The following SNX24 variants were observed in gnomAD, a reference collection of about 807,000 sequenced individuals.
SNX24 encodes sorting nexin 24.
Under a neutral mutation model 28.7 loss-of-function variants are expected in SNX24, and 22 were observed. The observed-to-expected ratio is 0.77, with a 90% CI of 0.55 to 1.10. The LOEUF is 1.10. Ranked by LOEUF, SNX24 falls within the 50% of genes least tolerant of loss-of-function variation. The pLI is 0.00. For synonymous variants in SNX24, 69 were observed against 71.5 expected (o/e 0.96, Z 0.18); for missense variants, 221 against 201.1 (o/e 1.10, Z -0.60).
chr5:122,979,335 G>C (rs1761297350), intron 3 of SNX24, among the ~76,000 whole-genome samples: 1 of 152,178 alleles, frequency 6.6e-6, no homozygotes, highest in Non-Finnish European at 1.5e-5. Flanking sequence ...CTGTTCTGCG[G>C]CCCGAAGCAG....
intron 6 of SNX24, among the ~76,000 whole-genome samples, chr5:123,003,862 G>A (rs1179587028): frequency 1.3e-5 from 2 of 152,206 alleles, no homozygotes; most frequent in Non-Finnish European, 2.9e-5. Flanking sequence ...TCACAGGTTT[G>A]ATGGATGGGA....
At chr5:122,873,052 G>A (rs999579481) in intron 1 of SNX24, among the ~76,000 whole-genome samples, 4 of 152,120 alleles carry the variant, frequency 2.6e-5, no homozygotes, top group South Asian at 4.2e-4. Context: ...CTGCAACCTC[G>A]ACCTTCCAGG....
At chr5:122,898,071 A>G (rs1168330943) in intron 1 of SNX24, among the ~76,000 whole-genome samples, 2 of 152,144 alleles carry the variant, frequency 1.3e-5, no homozygotes, top group Non-Finnish European at 2.9e-5. Context: ...GTGTGCATGT[A>G]TGTGTGTCGG....
chr5:122,971,819 T>A (rs1307641581), intron 3 of SNX24, among the ~76,000 whole-genome samples: 1 of 152,194 alleles, frequency 6.6e-6, no homozygotes, highest in African/African-American at 2.4e-5. Context: ...ACTACCTTCT[T>A]CTACTGTCTA....
chr5:122,852,399 G>A (rs1754964256), intron 1 of SNX24, among the ~76,000 whole-genome samples: 1 of 151,590 alleles, frequency 6.6e-6, no homozygotes, highest in Non-Finnish European at 1.5e-5. Flanking sequence ...GCTGAGTTCA[G>A]TGGTACAATC....
At chr5:123,019,727 CCT>C (rs1257880917) in intron 5 of SNX24, among the ~76,000 whole-genome samples, 9 of 152,112 alleles carry the variant, frequency 5.9e-5, no homozygotes, top group Non-Finnish European at 1.0e-4. Context: ...TGTAAATTTC[CCT>C]CTGATTCCAC....
At chr5:122,954,343 T>C (rs916595106) in intron 3 of SNX24, among the ~76,000 whole-genome samples, 1 of 152,090 alleles carries the variant, frequency 6.6e-6, no homozygotes, top group Non-Finnish European at 1.5e-5. Context: ...TGTTTAAATG[T>C]CTTGTATTTT....
intron 1 of SNX24, among the ~76,000 whole-genome samples, chr5:122,866,147 GTTTA>G (rs1755709496): frequency 1.3e-5 from 2 of 152,282 alleles, no homozygotes; most frequent in Admixed American, 1.3e-4. Context: ...AGCTGGCATT[GTTTA>G]TTTATGAATG....
chr5:122,974,908 A>T (rs1013145580), intron 3 of SNX24, among the ~76,000 whole-genome samples: 1 of 152,180 alleles, frequency 6.6e-6, no homozygotes, highest in Middle Eastern at 3.2e-3. Flanking sequence ...GCTGCTAATC[A>T]TGTCTATACC....
intron 1 of SNX24, chr5:122,853,664 T>C (rs527665035): frequency 5.0e-5 from 19 of 376,924 alleles, no homozygotes; most frequent in South Asian, 3.8e-4. Context: ...AAAAAATTTT[T>C]TTCGTACAGG....
chr5:122,927,327 A>T (rs1356762236), intron 1 of SNX24, among the ~76,000 whole-genome samples: 1 of 152,230 alleles, frequency 6.6e-6, no homozygotes, highest in Non-Finnish European at 1.5e-5. Flanking sequence ...TGCAAATCTT[A>T]TGGGTTAAAT....
intron 3 of SNX24, among the ~76,000 whole-genome samples, chr5:122,997,337 C>T (rs1382874952): frequency 2.0e-5 from 3 of 152,146 alleles, no homozygotes; most frequent in East Asian, 1.9e-4. Context: ...TGAGAATATT[C>T]GGTGAAAATT....
At chr5:122,851,260 G>A (rs953013277) in intron 1 of SNX24, among the ~76,000 whole-genome samples, 1 of 152,090 alleles carries the variant, frequency 6.6e-6, no homozygotes, top group Admixed American at 6.5e-5. Context: ...TGCCTCCTGG[G>A]TTCAAGCTGT....
chr5:122,851,115 A>T (rs10055362), intron 1 of SNX24, among the ~76,000 whole-genome samples: 4 of 152,130 alleles, frequency 2.6e-5, no homozygotes, highest in Non-Finnish European at 5.9e-5. Flanking sequence ...TAGAATTACT[A>T]CTTAGGTCAC....
At chr5:122,995,051 A>T (rs1762004049) in intron 3 of SNX24, among the ~76,000 whole-genome samples, 1 of 152,202 alleles carries the variant, frequency 6.6e-6, no homozygotes, top group Admixed American at 6.5e-5. Context: ...GACAGATTGG[A>T]TGGAAATTTC....
chr5:122,987,830 C>T (rs1290795230), intron 3 of SNX24, among the ~76,000 whole-genome samples: 1 of 152,036 alleles, frequency 6.6e-6, no homozygotes, highest in Admixed American at 6.6e-5. Context: ...TTTTTGAGAT[C>T]TGAATAAATG....
intron 3 of SNX24, among the ~76,000 whole-genome samples, chr5:122,947,465 A>G (rs920932110): frequency 6.6e-6 from 1 of 152,316 alleles, no homozygotes; most frequent in Non-Finnish European, 1.5e-5. Context: ...GAAAGCTGAC[A>G]TGCAGAAGGC....
intron 1 of SNX24, 93 bp downstream of exon 1, chr5:122,845,786 A>AG (rs1754594513): frequency 1.5e-6 from 1 of 687,080 alleles, no homozygotes; most frequent in Non-Finnish European, 2.1e-6. Context: ...GCCTTGGCGC[A>AG]GGGGGTCCCC....
At chr5:123,025,051 G>A (rs1396552716) in intron 5 of SNX24, among the ~76,000 whole-genome samples, 1 of 152,224 alleles carries the variant, frequency 6.6e-6, no homozygotes, top group African/African-American at 2.4e-5. Context: ...ATTTTTGGAT[G>A]CGTGTCTCTG....
Sources: allele counts gnomAD v4.1 joint callset (sites outside exome capture counted in the v4.1 genomes callset), GRCh38; gene constraint gnomAD v4.1.1; transcripts MANE v1.5; gene names NCBI Gene and HGNC (gene_info 2026-07-23, HGNC 2026-07-21).